GTF3C1: variants seen among roughly 807,000 people sequenced by gnomAD.
GTF3C1 encodes general transcription factor 3C polypeptide 1.
Under a neutral mutation model 226.7 loss-of-function variants are expected in GTF3C1, and 57 were observed. The ratio of observed to expected loss-of-function variants is 0.25; its 90% CI spans 0.20 to 0.31. The LOEUF is 0.31. Among genes scored for constraint, GTF3C1 ranks in the 10% least tolerant of loss-of-function variants. GTF3C1 has a pLI of 1.00. For missense variants in GTF3C1, 2,217 were observed against 2,776.1 expected (o/e 0.80, Z 4.53); for synonymous variants, 1,090 against 1,084.8 (o/e 1.00, Z -0.09).
rs1044103839 is a variant in GTF3C1 at position 27,497,487 on chromosome 16, G to A, written c.2350+150C>T. The A allele has an allele frequency of 2.6e-5, 16 of 618,734 alleles. No homozygotes were observed. The Middle Eastern group carries it at 1.8e-3, about 68-fold the overall frequency. 38.3% of individuals were successfully genotyped at this position (618,734 alleles called of 1,614,324 possible). A position where few individuals can be genotyped will look rare whatever the true frequency, so the allele number is the denominator to read the frequency against. ...AAACAGATGCTGGAAGAAGTTATGC[G>A]GCCAGAGTAACAGGATCCAGCCCAC... On this transcript the variant is annotated intron_variant, in intron 14 of 36. Transcript: ENST00000356183.
chr16:27,493,670 GA>G (rs1264682009), intron 16 of GTF3C1, among the ~76,000 whole-genome samples: 1 of 152,008 alleles, frequency 6.6e-6, no homozygotes, highest in African/African-American at 2.4e-5. Context: ...TTACCCAAAG[GA>G]AAAAATGCTG....
In GTF3C1 at chr16:27,483,034, C is replaced by G. The variant is rs771539048; in HGVS notation, c.4083+10G>C. On this transcript the variant is annotated intron_variant, in intron 26 of 36. Transcript: ENST00000356183. ...AAGCATACCAAGCCCTACACTCACA[C>G]AGGACCTACCTTTGGGTCATCATAG... 1.9e-6 allele frequency: 3 copies of G among 1,613,226 alleles called. No homozygotes were observed. In the African/African-American group the frequency reaches 4.0e-5, roughly 22 times the overall value.
intron 6 of GTF3C1, among the ~76,000 whole-genome samples, chr16:27,526,516 CTT>C (rs1395852131): frequency 1.3e-5 from 2 of 152,248 alleles, no homozygotes; most frequent in African/African-American, 2.4e-5. Context: ...AACCAATTCT[CTT>C]GTTTCTAGCC....
chr16:27,501,069 T>C, intron 12 of GTF3C1, 122 bp downstream of exon 12: 2 of 787,300 alleles, frequency 2.5e-6, no homozygotes, highest in East Asian at 2.5e-5. Context: ...GGAGGCATAA[T>C]GGGAAATTCC....
At chr16:27,504,556 A>G (rs1411473901) in intron 10 of GTF3C1, among the ~76,000 whole-genome samples, 1 of 152,118 alleles carries the variant, frequency 6.6e-6, no homozygotes, top group Admixed American at 6.5e-5. Flanking sequence ...CAGGCAAGTT[A>G]CTCCATCCTA....
Position 27,549,883 on chromosome 16 carries a change from G to T in GTF3C1, c.8C>A (p.Ala3Glu), listed in dbSNP as rs770551976. The T allele has an allele frequency of 1.2e-6, 2 of 1,610,544 alleles. No homozygotes were observed. Among genetic ancestry groups the T allele is most frequent in the African/African-American group, 1.3e-5 (1 of 74,876 alleles). Residue 3 changes from alanine (A) to glutamate (E), a missense_variant, in exon 1 of 37, where the codon GCG (alanine) becomes GAG (glutamate). Physicochemically the swap from Ala to Glu is moderately radical, Grantham distance 107. Transcript: ENST00000356183. MD[A>E]LESLLDEVAL... ...GACTTCGTCCAACAACGACTCCAGC[G>T]CGTCCATTGCTACTTCAGTCGGCGG...
chr16:27,525,181 G>T (rs946881518), intron 6 of GTF3C1, among the ~76,000 whole-genome samples: 1 of 114,536 alleles, frequency 8.7e-6, no homozygotes, highest in African/African-American at 3.9e-5. Context: ...AGAAAAGAAA[G>T]AAATAAAAGA....
chr16:27,498,947 G>A (rs2088363270), intron 12 of GTF3C1, among the ~76,000 whole-genome samples: 1 of 152,222 alleles, frequency 6.6e-6, no homozygotes, highest in South Asian at 2.1e-4. Context: ...ATCAGGCTCT[G>A]CCATGGGTGC....
intron 19 of GTF3C1, among the ~76,000 whole-genome samples, chr16:27,490,435 G>A (rs1435844156): frequency 6.6e-6 from 1 of 152,200 alleles, no homozygotes; most frequent in Non-Finnish European, 1.5e-5. Flanking sequence ...GGCATGGCCG[G>A]TGGGGCCCGG....
intron 25 of GTF3C1, 71 bp downstream of exon 25, chr16:27,484,140 C>T: frequency 8.8e-7 from 1 of 1,142,308 alleles, no homozygotes; most frequent in Middle Eastern, 2.0e-4. Flanking sequence ...AGCCACACTT[C>T]CCACCAGACT....
intron 2 of GTF3C1, among the ~76,000 whole-genome samples, chr16:27,543,585 A>AT (rs1355641098): frequency 1.3e-5 from 2 of 151,744 alleles, no homozygotes; most frequent in African/African-American, 4.8e-5. Flanking sequence ...TTTTGTAGTG[A>AT]TGGGGTCTTG....
chr16:27,484,119 C>T, intron 25 of GTF3C1, 92 bp downstream of exon 25: 1 of 947,082 alleles, frequency 1.1e-6, no homozygotes, highest in East Asian at 2.4e-5. Context: ...TCAGACACCT[C>T]AGTGTGCTCC....
At chr16:27,472,192 GC>G (rs1373322481) in intron 29 of GTF3C1, among the ~76,000 whole-genome samples, 1 of 152,138 alleles carries the variant, frequency 6.6e-6, no homozygotes, top group East Asian at 1.9e-4. Flanking sequence ...AGACAGGGGG[GC>G]TATTCACTCC....
At chr16:27,477,491 G>C (rs1053846037) in intron 28 of GTF3C1, among the ~76,000 whole-genome samples, 1 of 152,158 alleles carries the variant, frequency 6.6e-6, no homozygotes, top group African/African-American at 2.4e-5. Context: ...TTTAAGTAGA[G>C]ACGGGGTTTC....
At chr16:27,483,149 G>C (rs989920944) in intron 25 of GTF3C1, 24 bp from the exon 26 acceptor site, 2 of 1,607,420 alleles carry the variant, frequency 1.2e-6, no homozygotes, top group South Asian at 1.1e-5. Context: ...AGACAAAGCT[G>C]AAGTCTGGGA....
intron 24 of GTF3C1, among the ~76,000 whole-genome samples, 188 bp downstream of exon 24, chr16:27,485,809 C>T (rs2088129725): frequency 6.6e-6 from 1 of 152,228 alleles, no homozygotes; most frequent in Non-Finnish European, 1.5e-5. Flanking sequence ...GCACTCCAGA[C>T]TGGGTGAAAG....
chr16:27,488,183 A>C (rs768480830), intron 23 of GTF3C1, 44 bp downstream of exon 23: 1 of 1,564,200 alleles, frequency 6.4e-7, no homozygotes, highest in Non-Finnish European at 8.7e-7. Flanking sequence ...CTCCAAGCCA[A>C]AACAAAGACA....
rs906441328 is a variant in GTF3C1, at chr16:27,494,633, A to G, written c.2778+130T>C. The stretch of plus-strand genomic sequence containing the variant: ...CCCTTGAATGAGCATCTGCCTATCC[A>G]TCTATCCACCAATCCATTCATCTGG... On this transcript the variant is annotated intron_variant, in intron 16 of 36. Transcript: ENST00000356183. 6.6e-5 allele frequency: 43 copies of G among 651,406 alleles called. No individual in the cohort carries two copies. The Admixed American group carries it at 8.6e-4, about 13-fold the overall frequency. 40.4% of individuals were successfully genotyped at this position (651,406 alleles called of 1,614,324 possible).
chr16:27,529,795 C>G (rs374189764), intron 5 of GTF3C1, among the ~76,000 whole-genome samples: 23 of 152,320 alleles, frequency 1.5e-4, no homozygotes, highest in African/African-American at 3.6e-4. Context: ...AGGGCCCACC[C>G]GGTTCCAGGG....
Sources: gnomAD v4.1 joint callset for allele counts (sites outside exome capture counted in the v4.1 genomes callset) on GRCh38, gnomAD v4.1.1 for gene constraint, MANE v1.5 for transcripts, NCBI Gene and HGNC (gene_info 2026-07-23, HGNC 2026-07-21) for gene names.